AGBL4: variants seen among roughly 807,000 people sequenced by gnomAD.
The protein encoded by AGBL4 is cytosolic carboxypeptidase 6.
In AGBL4, 58 loss-of-function variants were observed where a neutral mutation model predicts 66.4. That is an observed-to-expected ratio of 0.87 (90% CI 0.71 to 1.09). The LOEUF (loss-of-function observed/expected upper bound fraction) is 1.09, where lower values mean the gene tolerates loss of function less well. AGBL4 is among the 50% of genes least tolerant of loss of function. The probability of loss-of-function intolerance (pLI) is 0.00; values close to 1 mark genes in which losing one functional copy is unlikely to be tolerated. For missense variants in AGBL4, 579 were observed against 631.0 expected, an observed-to-expected ratio of 0.92 and a Z score of 0.88; for synonymous variants, 234 against 222.9, an observed-to-expected ratio of 1.05 and a Z score of -0.44.
chr1:49,663,859 T>C (rs1646315102), intron 3 of AGBL4, among the ~76,000 whole-genome samples: 1 of 151,646 alleles, frequency 6.6e-6, no homozygotes, highest in South Asian at 2.1e-4. Flanking sequence ...ACCAATAAAA[T>C]GGATATGAAA....
At chr1:49,173,712 G>A (rs185799269) in intron 4 of AGBL4, among the ~76,000 whole-genome samples, 3 of 152,320 alleles carry the variant, frequency 2.0e-5, no homozygotes, top group African/African-American at 4.8e-5. Context: ...ATTTTAAATT[G>A]TGTGGTCAGG....
intron 1 of AGBL4, among the ~76,000 whole-genome samples, chr1:49,854,779 C>T (rs1445728890): frequency 6.6e-6 from 1 of 152,054 alleles, no homozygotes; most frequent in Non-Finnish European, 1.5e-5. Flanking sequence ...TATAGCACAC[C>T]AGGGAGGCTA....
chr1:48,767,250 G>A (rs1156806189), intron 6 of AGBL4, among the ~76,000 whole-genome samples: 1 of 152,188 alleles, frequency 6.6e-6, no homozygotes, highest in Non-Finnish European at 1.5e-5. Flanking sequence ...CATTACCAGT[G>A]AAGTGGGGAT....
intron 1 of AGBL4, chr1:49,995,052 C>T (rs1660261069): frequency 2.2e-6 from 1 of 447,442 alleles, no homozygotes; most frequent in Non-Finnish European, 4.5e-6. Context: ...AGAGATGCCA[C>T]TAGAATTGGG....
At position 48,662,764 on chromosome 1, in the gene AGBL4, T is replaced by C. The variant is rs184244021; in HGVS notation, c.724+388A>G. On this transcript the variant is annotated intron_variant, in intron 7 of 13. Transcript: ENST00000371839. ...ATAGTTTTCAGTCATTACCTCCCAT[T>C]TCACAGCTCTTCTGCCAACATACAC... Among the ~76,000 whole-genome samples, 234 of 152,298 alleles carry C rather than the reference T, an allele frequency of 1.5e-3. 1 individual carries two copies. The highest frequency in any genetic ancestry group is 4.8e-3 in the African/African-American group (201 of 41,558).
At chr1:49,050,231 G>A (rs956089433) in intron 4 of AGBL4, among the ~76,000 whole-genome samples, 1 of 151,990 alleles carries the variant, frequency 6.6e-6, no homozygotes, top group South Asian at 2.1e-4. Flanking sequence ...CACATCCTCA[G>A]ATTCAGTCAT....
chr1:49,740,111 G>A (rs901680913), intron 2 of AGBL4, among the ~76,000 whole-genome samples: 3 of 152,150 alleles, frequency 2.0e-5, no homozygotes, highest in African/African-American at 4.8e-5. Context: ...TGGCAAATTG[G>A]ATAAAGAGGC....
At chr1:49,413,460 A>G (rs1171442374) in intron 3 of AGBL4, among the ~76,000 whole-genome samples, 2 of 152,342 alleles carry the variant, frequency 1.3e-5, no homozygotes. Context: ...ATAAATATGA[A>G]TGAGGAAGTT....
At chr1:49,192,097 C>A (rs1295954998) in intron 4 of AGBL4, among the ~76,000 whole-genome samples, 1 of 152,164 alleles carries the variant, frequency 6.6e-6, no homozygotes, top group African/African-American at 2.4e-5. Flanking sequence ...ATTCTCTTTT[C>A]TCTGCAACCT....
chr1:49,672,204 G>T (rs893532840), intron 3 of AGBL4, among the ~76,000 whole-genome samples: 2 of 152,094 alleles, frequency 1.3e-5, no homozygotes, highest in Non-Finnish European at 2.9e-5. Flanking sequence ...TGGAGTGGGA[G>T]GCTATCATCC....
At chr1:48,545,397 C>T (rs1374556335) in intron 11 of AGBL4, among the ~76,000 whole-genome samples, 3 of 152,072 alleles carry the variant, frequency 2.0e-5, no homozygotes, top group African/African-American at 7.2e-5. Context: ...CTGCAGTGGC[C>T]CTGTTTGAGT....
intron 1 of AGBL4, among the ~76,000 whole-genome samples, chr1:50,020,077 G>A (rs1662328964): frequency 6.6e-6 from 1 of 151,774 alleles, no homozygotes; most frequent in Non-Finnish European, 1.5e-5. Context: ...TATCTTAAGT[G>A]TCCCTTATTC....
chr1:49,826,616 G>A (rs552071161), intron 2 of AGBL4, among the ~76,000 whole-genome samples: 1 of 152,336 alleles, frequency 6.6e-6, no homozygotes, highest in Admixed American at 6.5e-5. Flanking sequence ...AGAAATAGGA[G>A]AAGACAAGAC....
chr1:48,759,289 G>T, intron 6 of AGBL4: 2 of 1,551,780 alleles, frequency 1.3e-6, no homozygotes, highest in Non-Finnish European at 1.7e-6. Flanking sequence ...AGGTCTCTGT[G>T]TAGGACAACG....
intron 9 of AGBL4, among the ~76,000 whole-genome samples, chr1:48,623,037 A>G (rs1645441818): frequency 2.0e-5 from 3 of 152,178 alleles, no homozygotes. Flanking sequence ...GCTCTGGGTA[A>G]AATGGAGAGA....
At chr1:48,649,216 C>A (rs1186545918) in intron 8 of AGBL4, among the ~76,000 whole-genome samples, 3 of 152,096 alleles carry the variant, frequency 2.0e-5, no homozygotes, top group African/African-American at 4.8e-5. Context: ...GGGCAAGAGC[C>A]ATAAAGGGAG....
At chr1:49,761,280 T>C (rs1002027080) in intron 2 of AGBL4, among the ~76,000 whole-genome samples, 1 of 151,678 alleles carries the variant, frequency 6.6e-6, no homozygotes, top group African/African-American at 2.4e-5. Flanking sequence ...TTCTTATCTA[T>C]TGTAAAAATA....
At chr1:49,886,453 G>A (rs1405809986) in intron 1 of AGBL4, among the ~76,000 whole-genome samples, 1 of 152,026 alleles carries the variant, frequency 6.6e-6, no homozygotes, top group South Asian at 2.1e-4. Flanking sequence ...ATGCTAAGAA[G>A]GTTAGATTGT....
At chr1:48,912,777 T>C (rs1171141496) in intron 5 of AGBL4, among the ~76,000 whole-genome samples, 6 of 152,146 alleles carry the variant, frequency 3.9e-5, no homozygotes, top group African/African-American at 1.4e-4. Context: ...GCCTTCCCTA[T>C]TGAGGTTACT....
Sources: allele counts gnomAD v4.1 joint callset (sites outside exome capture counted in the v4.1 genomes callset), GRCh38; gene constraint gnomAD v4.1.1; transcripts MANE v1.5; gene names NCBI Gene and HGNC (gene_info 2026-07-23, HGNC 2026-07-21).